Variants in C3orf49 observed in about 807,000 individuals in gnomAD.
The protein encoded by C3orf49 is chromosome 3 open reading frame 49, also known as putative uncharacterized protein C3orf49.
C3orf49 carries 27 observed loss-of-function variants against 13.3 expected under a neutral mutation model. The observed-to-expected ratio is 2.02, with a 90% CI of 1.49 to 2.79. The LOEUF (loss-of-function observed/expected upper bound fraction) is 2.79, where lower values mean the gene tolerates loss of function less well. Ranked by LOEUF, C3orf49 falls within the 30% of genes most tolerant of loss-of-function variation. C3orf49 has a pLI of 0.00. For missense variants in C3orf49, 242 were observed against 134.2 expected, an observed-to-expected ratio of 1.80 and a Z score of -3.97; for synonymous variants, 87 against 47.6, an observed-to-expected ratio of 1.83 and a Z score of -3.40.
chr3:63,816,459 G>A (rs535688364), upstream of C3orf49, among the ~76,000 whole-genome samples: 1 of 152,028 alleles, frequency 6.6e-6, no homozygotes, highest in South Asian at 2.1e-4. Context: ...GGGCGTGGTG[G>A]CACGTGCCTG....
At chr3:63,801,709 C>T in the C3orf49 span, among the ~76,000 whole-genome samples, 2 of 152,150 alleles carry the variant, frequency 1.3e-5, no homozygotes, top group African/African-American at 2.4e-5. Context: ...TCTATTGTTA[C>T]TGTCATTTTT....
At chr3:63,820,400 G>A (rs1701377578) in intron 1 of C3orf49, among the ~76,000 whole-genome samples, 1 of 152,116 alleles carries the variant, frequency 6.6e-6, no homozygotes, top group Non-Finnish European at 1.5e-5. Context: ...CTTAAGAAGG[G>A]GAGGGTTCTG....
upstream of C3orf49, among the ~76,000 whole-genome samples, chr3:63,817,661 T>TC (rs1701340406): frequency 6.6e-6 from 1 of 152,050 alleles, no homozygotes; most frequent in African/African-American, 2.4e-5. Flanking sequence ...TCTAACTCTT[T>TC]CCCCACCCCC....
At chr3:63,831,961 G>T in intron 5 of C3orf49, 117 bp downstream of exon 5, 1 of 587,276 alleles carries the variant, frequency 1.7e-6, no homozygotes, top group South Asian at 2.2e-5. Flanking sequence ...TTGGGAGGCC[G>T]AGCGAGTGGA....
chr3:63,839,693 A>G (rs1701717245), intron 5 of C3orf49: 10 of 1,612,482 alleles, frequency 6.2e-6, no homozygotes, highest in Non-Finnish European at 8.5e-6. Context: ...CATTTAATGA[A>G]ACTCTTCACT....
At chr3:63,830,720 A>G (rs1438498866) in intron 3 of C3orf49, among the ~76,000 whole-genome samples, 4 of 152,186 alleles carry the variant, frequency 2.6e-5, no homozygotes, top group Non-Finnish European at 4.4e-5. Context: ...AAACGAGACC[A>G]AATTAACAAC....
At chr3:63,796,729 C>T in the C3orf49 span, among the ~76,000 whole-genome samples, 9 of 152,108 alleles carry the variant, frequency 5.9e-5, no homozygotes, top group African/African-American at 9.7e-5. Context: ...ATTTCACTTA[C>T]GCACTTGATA....
chr3:63,808,657 G>A, the C3orf49 span, among the ~76,000 whole-genome samples: 10 of 152,064 alleles, frequency 6.6e-5, no homozygotes, highest in African/African-American at 1.2e-4. Context: ...CTTCATTCCC[G>A]AATTAAAACT....
At chr3:63,825,128 ACATACATCCAC>A (rs1041610446) in intron 2 of C3orf49, among the ~76,000 whole-genome samples, 10 of 152,198 alleles carry the variant, frequency 6.6e-5, no homozygotes, top group Admixed American at 2.6e-4. Context: ...CTCTGTCATA[ACATACATCCAC>A]CATACATCCA....
chr3:63,811,185 T>C, the C3orf49 span, among the ~76,000 whole-genome samples: 4 of 152,190 alleles, frequency 2.6e-5, no homozygotes, highest in East Asian at 5.8e-4. Flanking sequence ...GGCATTTTAT[T>C]ATGCATTTCC....
chr3:63,813,219 A>G, the C3orf49 span, among the ~76,000 whole-genome samples: 1 of 152,228 alleles, frequency 6.6e-6, no homozygotes, highest in Admixed American at 6.5e-5. Context: ...AAATACAACT[A>G]CATATATCCT....
the C3orf49 span, among the ~76,000 whole-genome samples, chr3:63,791,966 G>T: frequency 2.6e-5 from 4 of 152,022 alleles, no homozygotes; most frequent in Non-Finnish European, 4.4e-5. Context: ...ATTTCTTTTC[G>T]TATATCCTTC....
chr3:63,838,124 A>G (rs1204549035), intron 5 of C3orf49: 1 of 1,441,880 alleles, frequency 6.9e-7, no homozygotes, highest in Non-Finnish European at 9.5e-7. Flanking sequence ...TTTTAATTTT[A>G]AAACGCATTT....
Position 63,845,074 on chromosome 3 carries a change from C to A in C3orf49, c.*22C>A. 2.9e-6 allele frequency: 2 copies of A among 698,172 alleles called. No individual in the cohort carries two copies. Among genetic ancestry groups the A allele is most frequent in the Non-Finnish European group, 5.2e-6 (2 of 382,370 alleles). 43.2% of individuals were successfully genotyped at this position (698,172 alleles called of 1,614,324 possible). A position where few individuals can be genotyped will look rare whatever the true frequency, so the allele number is the denominator to read the frequency against. ...CTGACCTGAGACTCCTTGAGGAACA[C>A]AGGAAAAGGTGATGCTAACCTTCTT... is the stretch of plus-strand genomic sequence containing the variant. On this transcript the variant is annotated 3_prime_UTR_variant, in exon 6 of 7. Coordinates refer to ENST00000295896, the MANE Select transcript of C3orf49 (RefSeq NM_001355236.2).
chr3:63,803,993 A>G, the C3orf49 span, among the ~76,000 whole-genome samples: 1 of 151,796 alleles, frequency 6.6e-6, no homozygotes, highest in East Asian at 1.9e-4. Flanking sequence ...TTAGGTTCTC[A>G]TAAGGAGAAC....
At position 63,819,603 on chromosome 3, in the gene C3orf49, G is replaced by A; in HGVS notation, c.125+7G>A. ...AAAGGAAGGGGATAGAAAGGTAACAGAGATTCATTTCCTTTTCTGTCAAAT... is the reference window on the plus strand; with the variant it reads ...AAAGGAAGGGGATAGAAAGGTAACAAAGATTCATTTCCTTTTCTGTCAAAT... On this transcript the variant is annotated splice_region_variant and intron_variant, in intron 1 of 6. Transcript: ENST00000295896. 1.4e-6 allele frequency: 1 copy of A among 703,284 alleles called. No homozygotes were observed. Among genetic ancestry groups the A allele is most frequent in the Non-Finnish European group, 2.6e-6 (1 of 384,930 alleles). 43.6% of individuals were successfully genotyped at this position (703,284 alleles called of 1,614,324 possible). A position where few individuals can be genotyped will look rare whatever the true frequency, so the allele number is the denominator to read the frequency against.
chr3:63,781,689 T>C, the C3orf49 span, among the ~76,000 whole-genome samples: 2 of 152,294 alleles, frequency 1.3e-5, no homozygotes, highest in African/African-American at 4.8e-5. Flanking sequence ...ATTTGCTTGC[T>C]GTGTATTCTT....
chr3:63,798,077 T>G, the C3orf49 span, among the ~76,000 whole-genome samples: 1 of 152,156 alleles, frequency 6.6e-6, no homozygotes, highest in Non-Finnish European at 1.5e-5. Flanking sequence ...AGGTGTTACA[T>G]TTTTTTAAGT....
rs762825205 is a variant in C3orf49 at position 63,834,136 on chromosome 3, G to T, written c.849+2292G>T. ...AGTGGTGGGCAATTAGCCTGTCTAT[G>T]GCTTAGGATCTGTTTCCATGCTTGC... On this transcript the variant is annotated intron_variant, in intron 5 of 6. Coordinates refer to ENST00000295896, the MANE Select transcript of C3orf49 (RefSeq NM_001355236.2). The T allele has an allele frequency of 3.1e-6, 5 of 1,613,986 alleles. No individual in the cohort carries two copies. The South Asian group carries it at 5.5e-5, about 18-fold the overall frequency.
Sources: allele counts gnomAD v4.1 joint callset (sites outside exome capture counted in the v4.1 genomes callset), GRCh38; gene constraint gnomAD v4.1.1; transcripts MANE v1.5; gene names NCBI Gene and HGNC (gene_info 2026-07-23, HGNC 2026-07-21).